ADD1: variants seen among roughly 807,000 people sequenced by gnomAD.
ADD1 encodes the protein alpha-adducin.
ADD1 carries 24 observed loss-of-function variants against 80.5 expected under a neutral mutation model. That is an observed-to-expected ratio of 0.30 (90% CI 0.22 to 0.42). The LOEUF (loss-of-function observed/expected upper bound fraction) is 0.42. ADD1 is among the 10% of genes least tolerant of loss of function. ADD1 has a pLI of 1.00. For missense variants in ADD1, 948 were observed against 1,019.0 expected (o/e 0.93, Z 0.95); for synonymous variants, 373 against 393.8 (o/e 0.95, Z 0.63).
Position 2,913,951 on chromosome 4 carries a change from C to T in ADD1, c.1792-933C>T, listed in dbSNP as rs143955972. On this transcript the variant is annotated intron_variant, in intron 13 of 15. Transcript: ENST00000683351. ...GCGGGCGCCTGTAGTCCCAGCTACT[C>T]GGGAGGCTGAGGCAGGAGAATGGAG... is the stretch of plus-strand genomic sequence containing the variant. Among the ~76,000 whole-genome samples, 166 of 151,104 alleles carry T rather than the reference C, an allele frequency of 1.1e-3. 1 individual carries two copies. The highest frequency in any genetic ancestry group is 3.6e-3 in the Admixed American group (55 of 15,146).
In ADD1 at chr4:2,928,519, C is replaced by T; in HGVS notation, c.2396C>T (p.Ser799Phe). ...FLKKSKKKSD[S>F] ...AAGAAGAGCAAGAAGAAGAGTGACTCCTGAAAGCCCTGCGCTAACACTGTC... is the reference window on the plus strand; with the variant it reads ...AAGAAGAGCAAGAAGAAGAGTGACTTCTGAAAGCCCTGCGCTAACACTGTC... Residue 799 changes from serine to phenylalanine, a missense_variant, in exon 16 of 16, where the codon TCC becomes TTC. Transcript: ENST00000683351. The T allele has an allele frequency of 1.9e-6, 3 of 1,612,510 alleles. No individual in the cohort carries two copies. The highest frequency in any genetic ancestry group is 1.1e-5 in the South Asian group (1 of 90,990).
intron 1 of ADD1, among the ~76,000 whole-genome samples, chr4:2,872,307 C>T (rs1181689235): frequency 6.6e-6 from 1 of 152,164 alleles, no homozygotes; most frequent in Non-Finnish European, 1.5e-5. Flanking sequence ...AAATGTATTA[C>T]ATAAGTAAAA....
In ADD1 at chr4:2,875,708, G is replaced by A. The variant is rs34183181; in HGVS notation, c.-20-188G>A. On this transcript the variant is annotated intron_variant, in intron 1 of 15. Transcript: ENST00000683351. ...AAACACAGCATTGGTTAGTGGGAGG[G>A]TGGGAGGTGGTTGATCAGCCATGTG... Among the ~76,000 whole-genome samples, 580 of 152,262 alleles carry A rather than the reference G, an allele frequency of 3.8e-3. 2 individuals are homozygous for A. Among genetic ancestry groups the A allele is most frequent in the Non-Finnish European group, 6.0e-3 (409 of 68,018 alleles).
intron 2 of ADD1, among the ~76,000 whole-genome samples, chr4:2,878,674 C>T (rs1731747378): frequency 6.6e-6 from 1 of 152,076 alleles, no homozygotes; most frequent in African/African-American, 2.4e-5. Flanking sequence ...CCTGTAGTCC[C>T]AGTGCTTTGG....
At position 2,898,213 on chromosome 4, in the gene ADD1, A is replaced by G; in HGVS notation, c.771A>G (p.Pro257=). 1 of 1,613,818 alleles carries G rather than the reference A, an allele frequency of 6.2e-7. No individual in the cohort carries two copies. The highest frequency in any genetic ancestry group is 8.5e-7 in the Non-Finnish European group (1 of 1,179,846). Residue 257 remains proline, a synonymous_variant, in exon 7 of 16, where the codon CCA becomes CCG. Transcript: ENST00000683351. ...AVSAMKCGLL[P]ISPEALSLGE... ...CTGCAATGAAATGTGGCCTCTTGCCAATCTCCCCGGAGGCGCTTTCCCTTG... is the reference window on the plus strand; with the variant it reads ...CTGCAATGAAATGTGGCCTCTTGCCGATCTCCCCGGAGGCGCTTTCCCTTG...
At position 2,885,910 on chromosome 4, in the gene ADD1, C is replaced by A. The variant is rs111758665; in HGVS notation, c.510+1244C>A. 9.0e-3 allele frequency among the ~76,000 whole-genome samples: 1,372 copies of A among 152,166 alleles called. 15 individuals are homozygous for A. Among genetic ancestry groups the A allele is most frequent in the African/African-American group, 0.031 (1,290 of 41,508 alleles). ...CAGGCGTGAGCCACCCTGCCCGGCC[C>A]CTTCCTGCCTTGTTAGATTCACAGT... On this transcript the variant is annotated intron_variant, in intron 4 of 15. Coordinates refer to ENST00000683351, the MANE Select transcript of ADD1 (RefSeq NM_001354761.2).
chr4:2,919,218 G>C (rs1011565645), intron 14 of ADD1, among the ~76,000 whole-genome samples: 1 of 152,184 alleles, frequency 6.6e-6, no homozygotes, highest in African/African-American at 2.4e-5. Flanking sequence ...TTGATGTGCT[G>C]CTGGATTCGG....
At chr4:2,866,807 A>G (rs1729623765) in intron 1 of ADD1, among the ~76,000 whole-genome samples, 1 of 152,176 alleles carries the variant, frequency 6.6e-6, no homozygotes, top group Non-Finnish European at 1.5e-5. Flanking sequence ...CTGAGCCAGC[A>G]CACCTGTAAT....
intron 1 of ADD1, among the ~76,000 whole-genome samples, chr4:2,846,978 G>T (rs547284903): frequency 4.1e-4 from 62 of 152,108 alleles, no homozygotes; most frequent in African/African-American, 1.4e-3. Flanking sequence ...TTAGCTGGGC[G>T]TGGTGGCGGA....
chr4:2,843,984 G>A lies in ADD1; in HGVS notation c.-61G>A, dbSNP rs1355204669. ...AGCCGACGGGCGGTGGCCGCACTGG[G>A]ACCCCGGAATCCCGCGCGCTGCCCA... On this transcript the variant is annotated 5_prime_UTR_variant, in exon 1 of 16. Transcript: ENST00000683351. The A allele has an allele frequency of 6.5e-6, 1 of 152,922 alleles. No individual in the cohort carries two copies. Among genetic ancestry groups the A allele is most frequent in the Non-Finnish European group, 1.5e-5 (1 of 68,284 alleles). 9.5% of individuals were successfully genotyped at this position (152,922 alleles called of 1,614,324 possible). A position where few individuals can be genotyped will look rare whatever the true frequency, so the allele number is the denominator to read the frequency against.
chr4:2,905,258 T>G, intron 10 of ADD1, 150 bp downstream of exon 10: 1 of 675,522 alleles, frequency 1.5e-6, no homozygotes. Context: ...CTAAGTCCAC[T>G]GAATGCATTA....
intron 4 of ADD1, among the ~76,000 whole-genome samples, chr4:2,891,263 G>A (rs911909524): frequency 2.6e-5 from 4 of 152,098 alleles, no homozygotes; most frequent in African/African-American, 4.8e-5. Flanking sequence ...GACCAGCCTG[G>A]CTGACGTGGT....
chr4:2,905,924 T>C (rs534577773), intron 10 of ADD1, among the ~76,000 whole-genome samples: 109 of 152,312 alleles, frequency 7.2e-4, no homozygotes, highest in African/African-American at 2.5e-3. Context: ...CACCCAGCTC[T>C]GCTTTAAACT....
intron 1 of ADD1, among the ~76,000 whole-genome samples, chr4:2,857,244 G>C (rs1041450722): frequency 6.6e-6 from 1 of 152,018 alleles, no homozygotes; most frequent in Non-Finnish European, 1.5e-5. Context: ...GTTTTAATTC[G>C]CAAATTCCTC....
At position 2,926,327 on chromosome 4, in the gene ADD1, C is replaced by T. The variant is rs941196049; in HGVS notation, c.2047+215C>T. 9 of 709,532 alleles carry T rather than the reference C, an allele frequency of 1.3e-5. No homozygotes were observed. The highest frequency in any genetic ancestry group is 3.0e-5 in the South Asian group (2 of 66,904). The allele number at this position is 709,532 out of a possible 1,614,324, so 44.0% of individuals were successfully genotyped here. On this transcript the variant is annotated intron_variant, in intron 15 of 15. Transcript: ENST00000683351. This position sits in a 1 kb window ranked among gnomAD's most constrained non-coding sequence, Gnocchi z 5.0. The stretch of plus-strand genomic sequence containing the variant: ...GTGAGCTGTGACCAGGTAGGAAGGC[C>T]GGCCTCGGGGGTCGGAACCCACCAT...
intron 1 of ADD1, among the ~76,000 whole-genome samples, chr4:2,852,696 CTTTTTT>C (rs1312991635): frequency 8.4e-6 from 1 of 118,716 alleles, no homozygotes. Context: ...CAGGAAATAT[CTTTTTT>C]TTTTTTTTTT....
At chr4:2,887,116 C>G (rs530332576) in intron 4 of ADD1, among the ~76,000 whole-genome samples, 11 of 152,180 alleles carry the variant, frequency 7.2e-5, no homozygotes, top group African/African-American at 2.2e-4. Flanking sequence ...GGCTTAATAC[C>G]GAGTAAAAAG....
At chr4:2,866,981 A>T (rs1729646131) in intron 1 of ADD1, among the ~76,000 whole-genome samples, 1 of 152,080 alleles carries the variant, frequency 6.6e-6, no homozygotes, top group Non-Finnish European at 1.5e-5. Flanking sequence ...CTGAGATGGG[A>T]GGATCACTTG....
At chr4:2,866,989 T>C (rs1271363258) in intron 1 of ADD1, among the ~76,000 whole-genome samples, 1 of 152,134 alleles carries the variant, frequency 6.6e-6, no homozygotes, top group Admixed American at 6.5e-5. Context: ...GGAGGATCAC[T>C]TGAGCCCGGG....
Sources: allele counts gnomAD v4.1 joint callset (sites outside exome capture counted in the v4.1 genomes callset), GRCh38; gene constraint gnomAD v4.1.1; non-coding constraint Gnocchi (gnomAD v3.1); transcripts MANE v1.5; gene names NCBI Gene and HGNC (gene_info 2026-07-23, HGNC 2026-07-21).